The following FAT1 variants were observed in gnomAD, a reference collection of about 807,000 sequenced individuals.
The protein encoded by FAT1 is protocadherin Fat 1.
FAT1 carries 171 observed loss-of-function variants against 329.8 expected under a neutral mutation model. That is an observed-to-expected ratio of 0.52 (90% CI 0.46 to 0.59). The LOEUF (loss-of-function observed/expected upper bound fraction) is 0.59, where lower values mean the gene tolerates loss of function less well. Ranked by LOEUF, FAT1 falls within the 20% of genes least tolerant of loss-of-function variation. The pLI is 0.00. For synonymous variants in FAT1, 2,233 were observed against 2,228.6 expected, an observed-to-expected ratio of 1.00 and a Z score of -0.06; for missense variants, 5,672 against 5,774.4, an observed-to-expected ratio of 0.98 and a Z score of 0.57.
chr4:186,662,207 T>A lies in FAT1; in HGVS notation c.3580+1092A>T, dbSNP rs555217568. Among the ~76,000 whole-genome samples, 94 of 151,250 alleles carry A rather than the reference T, an allele frequency of 6.2e-4. No individual in the cohort carries two copies. The South Asian group carries it at 0.019, about 30-fold the overall frequency. On this transcript the variant is annotated intron_variant, in intron 3 of 26. Transcript: ENST00000441802. ...GGGACCGCCACTAGAGAGGCATACA[T>A]ACATTCTGGACTCCAAATTCATCCT... is the stretch of plus-strand genomic sequence containing the variant.
intron 12 of FAT1, 40 bp from the exon 13 acceptor site, chr4:186,613,382 C>A (rs751219743): frequency 6.8e-7 from 1 of 1,476,712 alleles, no homozygotes. Context: ...TAATTTAAGA[C>A]GTGACTTGCA....
intron 3 of FAT1, among the ~76,000 whole-genome samples, chr4:186,662,493 T>C (rs191299132): frequency 1.3e-5 from 2 of 152,222 alleles, no homozygotes; most frequent in East Asian, 3.9e-4. Context: ...AGGCCTGGGG[T>C]GTCACTTCAG....
Position 186,598,016 on chromosome 4 carries a change from G to A in FAT1, c.12213C>T (p.Asn4071=), listed in dbSNP as rs371989627. 2.9e-5 allele frequency: 46 copies of A among 1,613,426 alleles called. No homozygotes were observed. The highest frequency in any genetic ancestry group is 3.3e-5 in the South Asian group (3 of 90,950). ...CTCTACACTGGCAAACAAAGCCTCC[G>A]TTGTCGACAACACACGTGCCCCCAT... The part of the protein sequence containing the change: ...CLYGGTCVVD[N]GGFVCQCRGL... Residue 4071 remains asparagine, a synonymous_variant, in exon 23 of 27, where the codon AAC becomes AAT. Coordinates refer to ENST00000441802, the MANE Select transcript of FAT1 (RefSeq NM_005245.4).
At chr4:186,605,024 G>T (rs763848321) in intron 17 of FAT1, among the ~76,000 whole-genome samples, 51 of 152,008 alleles carry the variant, frequency 3.4e-4, no homozygotes, top group Non-Finnish European at 5.3e-4. Flanking sequence ...TTCGAGACCA[G>T]CCTGGCCAAC....
At chr4:186,714,935 G>T (rs1290407298) in intron 1 of FAT1, among the ~76,000 whole-genome samples, 1 of 152,150 alleles carries the variant, frequency 6.6e-6, no homozygotes, top group Admixed American at 6.5e-5. Flanking sequence ...AAAAGTAGCT[G>T]GGTGCGGTGG....
chr4:186,600,690 T>G (rs1000373198), intron 21 of FAT1, among the ~76,000 whole-genome samples: 1 of 152,200 alleles, frequency 6.6e-6, no homozygotes, highest in Admixed American at 6.5e-5. Context: ...TTGAAACACA[T>G]GTAGGATGTC....
In FAT1 at chr4:186,596,327, T is replaced by C. The variant is rs1344420936; in HGVS notation, c.13000+213A>G. On this transcript the variant is annotated intron_variant, in intron 25 of 26. Transcript: ENST00000441802. This position sits in a 1 kb window ranked among gnomAD's most constrained non-coding sequence, Gnocchi z 4.7. ...ATCTCTCCAGAATATTAACTAAACA[T>C]GACTAGATTCAATTTCTTAATTAAA... Among the ~76,000 whole-genome samples the C allele has an allele frequency of 6.6e-6, 1 of 152,186 alleles. No individual in the cohort carries two copies. Among genetic ancestry groups the C allele is most frequent in the Non-Finnish European group, 1.5e-5 (1 of 68,032 alleles).
At chr4:186,725,080 C>T (rs1745673762), upstream of FAT1, among the ~76,000 whole-genome samples, 1 of 152,014 alleles carries the variant, frequency 6.6e-6, no homozygotes, top group African/African-American at 2.4e-5. This position sits in a 1 kb window ranked among gnomAD's most constrained non-coding sequence, Gnocchi z 5.4. Context: ...CCCTATATTC[C>T]CTGCCCACCA....
intron 3 of FAT1, among the ~76,000 whole-genome samples, chr4:186,647,267 G>T (rs914537190): frequency 6.6e-5 from 10 of 152,172 alleles, no homozygotes; most frequent in African/African-American, 1.7e-4. Context: ...CCAAGACCCA[G>T]CTCTGGGGTA....
intron 6 of FAT1, among the ~76,000 whole-genome samples, chr4:186,634,984 C>T (rs558163771): frequency 2.6e-5 from 4 of 152,368 alleles, no homozygotes; most frequent in South Asian, 4.1e-4. Flanking sequence ...TTTTGAGCAT[C>T]GTTAACTACG....
intron 7 of FAT1, among the ~76,000 whole-genome samples, chr4:186,632,253 T>C (rs1740634500): frequency 6.6e-6 from 1 of 152,156 alleles, no homozygotes; most frequent in African/African-American, 2.4e-5. Context: ...GGTGCACTGT[T>C]AATTATTCAT....
At chr4:186,616,867 C>T in intron 11 of FAT1, 138 bp downstream of exon 11, 1 of 694,858 alleles carries the variant, frequency 1.4e-6, no homozygotes, top group Non-Finnish European at 2.3e-6. Flanking sequence ...AAGTCTTACC[C>T]CATTTAACAC....
chr4:186,633,606 C>G (rs1579358942), intron 7 of FAT1, 78 bp downstream of exon 7: 2 of 1,499,430 alleles, frequency 1.3e-6, no homozygotes, highest in East Asian at 4.5e-5. Flanking sequence ...ATCCACCGCT[C>G]ATATTGCCCG....
rs1369493371 is a variant in FAT1 at position 186,621,606 on chromosome 4, A to G, written c.4980T>C (p.Ala1660=). The part of the protein sequence containing the change: ...ITSVRIFVTI[A]DNASPKFTSK... ...ATGTAAACTTCGGAGAGGCGTTGTC[A>G]GCAATTGTGACAAAGATACGCACAG... The change falls in exon 10 of 27, where the codon GCT becomes GCC. Residue 1660 remains alanine, a synonymous_variant. Coordinates refer to ENST00000441802, the MANE Select transcript of FAT1 (RefSeq NM_005245.4). The G allele has an allele frequency of 1.2e-6, 2 of 1,614,062 alleles. No individual in the cohort carries two copies. The highest frequency in any genetic ancestry group is 3.3e-5 in the Admixed American group (2 of 60,036).
intron 2 of FAT1, among the ~76,000 whole-genome samples, chr4:186,698,813 G>T (rs1744160000): frequency 6.6e-6 from 1 of 152,200 alleles, no homozygotes. Context: ...GGTTAAGGAG[G>T]ATTCCGTGAC....
chr4:186,618,200 T>C lies in FAT1; in HGVS notation c.8386A>G (p.Ser2796Gly). The change falls in exon 10 of 27, where the codon AGT (serine) becomes GGT (glycine). Residue 2796 changes from serine (S) to glycine (G), a missense_variant. Physicochemically the swap from Ser to Gly is moderately conservative, Grantham distance 56 (BLOSUM62 0). This residue lies in a region of FAT1 where 3,966 missense variants were observed against 3,915.2 expected (regional missense o/e 1.01). Transcript: ENST00000441802. ...DHEMVASVDV[S>G]IQVKDANDNS... ...TCATTTGCATCTTTCACTTGGATAC[T>C]AACATCTACAGAAGCCACCATCTCA... The C allele has an allele frequency of 6.2e-7, 1 of 1,614,038 alleles. No individual in the cohort carries two copies. The highest frequency in any genetic ancestry group is 8.5e-7 in the Non-Finnish European group (1 of 1,179,898).
chr4:186,707,523 TATCA>T lies in FAT1; in HGVS notation c.2301_2304del (p.Asp768TrpfsTer6). 6.2e-7 allele frequency: 1 copy of T among 1,614,024 alleles called. No homozygotes were observed. ...AAAATTTTCAGCATTCCTGTTTCCATATCAATCATGAAGCAACTATCCTCATTTC... is the reference window on the plus strand; with the variant it reads ...AAAATTTTCAGCATTCCTGTTTCCATATCATGAAGCAACTATCCTCATTTC... On this transcript the variant is annotated frameshift_variant, in exon 2 of 27. Transcript: ENST00000441802. LOFTEE classifies it high-confidence loss of function.
At chr4:186,651,570 T>A (rs1200648529) in intron 3 of FAT1, among the ~76,000 whole-genome samples, 2 of 152,006 alleles carry the variant, frequency 1.3e-5, no homozygotes, top group Non-Finnish European at 2.9e-5. Flanking sequence ...ATGAAGGTGG[T>A]CCTGGCCCAT....
At chr4:186,617,561 C>A in intron 10 of FAT1, 147 bp downstream of exon 10, 1 of 697,040 alleles carries the variant, frequency 1.4e-6, no homozygotes, top group South Asian at 2.5e-5. Context: ...TGAGGCTCAA[C>A]AGATGTTATT....
Sources: gnomAD v4.1 joint callset for allele counts (sites outside exome capture counted in the v4.1 genomes callset) on GRCh38, gnomAD v4.1.1 for gene constraint, gnomAD v4.1.1 regional missense constraint, Gnocchi (gnomAD v3.1) non-coding constraint, MANE v1.5 for transcripts, NCBI Gene and HGNC (gene_info 2026-07-23, HGNC 2026-07-21) for gene names.